Variants in ANKRD30A observed in about 807,000 individuals in gnomAD.
The protein encoded by ANKRD30A is ankyrin repeat domain-containing protein 30A.
ANKRD30A carries 170 observed loss-of-function variants against 166.3 expected under a neutral mutation model. That is an observed-to-expected ratio of 1.02 (90% CI 0.90 to 1.16). The LOEUF (loss-of-function observed/expected upper bound fraction) is 1.16, where lower values mean the gene tolerates loss of function less well. Among genes scored for constraint, ANKRD30A ranks in the 50% most tolerant of loss-of-function variants. The pLI, the probability that ANKRD30A is intolerant of heterozygous loss-of-function variation, is 0.00. For missense variants in ANKRD30A, 1,630 were observed against 1,518.0 expected, an observed-to-expected ratio of 1.07 and a Z score of -1.23; for synonymous variants, 564 against 508.9, an observed-to-expected ratio of 1.11 and a Z score of -1.46.
At chr10:37,197,866 T>C in intron 29 of ANKRD30A, among the ~76,000 whole-genome samples, 1 of 152,096 alleles carries the variant, frequency 6.6e-6, no homozygotes, top group East Asian at 1.9e-4. Flanking sequence ...ATAACACTCG[T>C]GTTTTAACTT....
intron 29 of ANKRD30A, among the ~76,000 whole-genome samples, chr10:37,199,045 C>T (rs139928183): frequency 5.3e-5 from 8 of 152,144 alleles, no homozygotes; most frequent in African/African-American, 1.9e-4. Flanking sequence ...ATACATTTCT[C>T]ATGTTTCTCC....
intron 34 of ANKRD30A, among the ~76,000 whole-genome samples, chr10:37,227,012 C>A (rs974808331): frequency 6.6e-6 from 1 of 151,804 alleles, no homozygotes; most frequent in Non-Finnish European, 1.5e-5. Flanking sequence ...TCTAATTGGG[C>A]CATCTTGTTT....
In ANKRD30A at chr10:37,219,810, A is replaced by T. The variant is rs747844073; in HGVS notation, c.4098A>T (p.Leu1366=). Residue 1366 remains leucine (L), a synonymous_variant, in exon 34 of 36, where the codon CTA becomes CTT. Transcript: ENST00000361713. ...AGAGGAAAATGCAACATCATCTCCT[A>T]AAAGAGAAAAATGAGGAGATATTTA... ...FLERKMQHHL[L]KEKNEEIFNY... The T allele has an allele frequency of 4.4e-6, 7 of 1,602,720 alleles. No homozygotes were observed. In the South Asian group the frequency reaches 7.8e-5, roughly 18 times the overall value.
chr10:37,162,576 T>G lies in ANKRD30A; in HGVS notation c.1901-73T>G. The G allele has an allele frequency of 6.3e-6, 10 of 1,578,796 alleles. No individual in the cohort carries two copies. In the South Asian group the frequency reaches 1.1e-4, roughly 17 times the overall value. The stretch of plus-strand genomic sequence containing the variant: ...GGAGCAAGAGGAGTCAGTTAAATAC[T>G]ATCACGGCATTCATTTGTGGTTGGC... On this transcript the variant is annotated intron_variant, in intron 15 of 35. Transcript: ENST00000361713.
intron 24 of ANKRD30A, among the ~76,000 whole-genome samples, chr10:37,183,561 G>A (rs920184594): frequency 1.4e-5 from 2 of 146,834 alleles, no homozygotes; most frequent in African/African-American, 2.5e-5. Context: ...AATGAAAAGA[G>A]TTGGTTACAG....
intron 7 of ANKRD30A, 79 bp downstream of exon 7, chr10:37,142,369 T>G (rs1299408426): frequency 2.2e-6 from 3 of 1,335,852 alleles, no homozygotes; most frequent in Non-Finnish European, 3.1e-6. Context: ...ATGGGAGTAG[T>G]TGGGAATGAC....
the ANKRD30A span, among the ~76,000 whole-genome samples, chr10:37,261,208 G>T: frequency 4.6e-5 from 7 of 152,234 alleles, no homozygotes; most frequent in East Asian, 7.7e-4. Flanking sequence ...TGCCTTAGTG[G>T]TTGTCATATA....
At chr10:37,161,243 G>A (rs1415131320) in intron 15 of ANKRD30A, among the ~76,000 whole-genome samples, 1 of 152,132 alleles carries the variant, frequency 6.6e-6, no homozygotes, top group South Asian at 2.1e-4. Context: ...TGGATAGAAG[G>A]TCAAGACATA....
At chr10:37,230,641 C>T (rs979834033) in intron 34 of ANKRD30A, among the ~76,000 whole-genome samples, 1 of 152,050 alleles carries the variant, frequency 6.6e-6, no homozygotes, top group African/African-American at 2.4e-5. Flanking sequence ...ACAATTACTA[C>T]TACATTTCAC....
intron 7 of ANKRD30A, among the ~76,000 whole-genome samples, chr10:37,143,046 G>T (rs1447344754): frequency 6.6e-6 from 1 of 152,186 alleles, no homozygotes; most frequent in African/African-American, 2.4e-5. Flanking sequence ...TTATTGGCTG[G>T]ATTACACCAC....
At position 37,158,692 on chromosome 10, in the gene ANKRD30A, G is replaced by A. The variant is rs1472722782; in HGVS notation, c.1900+106G>A. ...TGTTGTTTTCTATTCAAAATTTGAT[G>A]GGATATTTTGATACAATAATGCCAA... On this transcript the variant is annotated intron_variant, in intron 15 of 35. Coordinates refer to ENST00000361713, the MANE Select transcript of ANKRD30A (RefSeq NM_052997.3). 3.4e-6 allele frequency: 5 copies of A among 1,466,508 alleles called. No homozygotes were observed. The East Asian group carries it at 1.2e-4, about 34-fold the overall frequency. The allele number at this position is 1,466,508 out of a possible 1,614,324, so 90.8% of individuals were successfully genotyped here.
chr10:37,237,694 G>T, the ANKRD30A span, among the ~76,000 whole-genome samples: 2 of 152,088 alleles, frequency 1.3e-5, no homozygotes, highest in African/African-American at 4.8e-5. Flanking sequence ...ATAAAATTAG[G>T]TTAGCAGTTT....
chr10:37,197,882 ACCTCGTTT>A (rs1564554113), intron 29 of ANKRD30A, among the ~76,000 whole-genome samples: 2 of 151,988 alleles, frequency 1.3e-5, no homozygotes, highest in African/African-American at 4.8e-5. Context: ...AACTTGAATT[ACCTCGTTT>A]CCAGTGTTGT....
chr10:37,197,217 A>T, intron 27 of ANKRD30A, 64 bp from the exon 28 acceptor site: 1 of 1,595,056 alleles, frequency 6.3e-7, no homozygotes, highest in Non-Finnish European at 8.6e-7. Flanking sequence ...CTATCACGGC[A>T]TTCATTTGTG....
chr10:37,161,831 T>C lies in ANKRD30A; in HGVS notation c.1901-818T>C, dbSNP rs535514504. ...GTAAAATTGCCATTCCACAAAAAAT[T>C]TATTATAGACTAATGATACACCGAA... On this transcript the variant is annotated intron_variant, in intron 15 of 35. Transcript: ENST00000361713. Among the ~76,000 whole-genome samples, 213 of 152,292 alleles carry C rather than the reference T, an allele frequency of 1.4e-3. 1 individual carries two copies. Among genetic ancestry groups the C allele is most frequent in the African/African-American group, 5.0e-3 (208 of 41,574 alleles).
At chr10:37,262,977 T>C in the ANKRD30A span, among the ~76,000 whole-genome samples, 1 of 152,094 alleles carries the variant, frequency 6.6e-6, no homozygotes, top group Non-Finnish European at 1.5e-5. Context: ...GGCTTTGTTA[T>C]TAAAAAAAAT....
At chr10:37,140,117 A>C (rs1458595847) in intron 6 of ANKRD30A, among the ~76,000 whole-genome samples, 1 of 152,214 alleles carries the variant, frequency 6.6e-6, no homozygotes, top group Non-Finnish European at 1.5e-5. Context: ...AGTGGAAGTG[A>C]ATTATTATAC....
At chr10:37,149,727 T>A in intron 10 of ANKRD30A, 48 bp downstream of exon 10, 1 of 1,612,434 alleles carries the variant, frequency 6.2e-7, no homozygotes, top group Non-Finnish European at 8.5e-7. Context: ...AATTATGTAT[T>A]TGTGAAGTAT....
chr10:37,201,398 T>A, intron 31 of ANKRD30A, 73 bp downstream of exon 31: 1 of 1,183,660 alleles, frequency 8.4e-7, no homozygotes, highest in Non-Finnish European at 1.2e-6. Flanking sequence ...GGATATGCTC[T>A]AATAGCTGAA....
Sources: gnomAD v4.1 joint callset for allele counts (sites outside exome capture counted in the v4.1 genomes callset) on GRCh38, gnomAD v4.1.1 for gene constraint, MANE v1.5 for transcripts, NCBI Gene and HGNC (gene_info 2026-07-23, HGNC 2026-07-21) for gene names.